MAF: variants seen among roughly 807,000 people sequenced by gnomAD.
MAF encodes the protein MAF bZIP transcription factor, also known as transcription factor Maf.
A neutral mutation model predicts 22.0 loss-of-function variants in MAF; 10 were observed. That is an observed-to-expected ratio of 0.45 (90% CI 0.28 to 0.77). MAF has a LOEUF of 0.77. Ranked by LOEUF, MAF falls within the 30% of genes least tolerant of loss-of-function variation. MAF has a pLI of 0.12. For missense variants in MAF, 544 were observed against 548.4 expected, an observed-to-expected ratio of 0.99 and a Z score of 0.08; for synonymous variants, 337 against 255.8, an observed-to-expected ratio of 1.32 and a Z score of -3.03.
the MAF span, among the ~76,000 whole-genome samples, chr16:79,229,624 G>A: frequency 6.6e-6 from 1 of 152,062 alleles, no homozygotes; most frequent in Non-Finnish European, 1.5e-5. Context: ...GGGGCGTGAG[G>A]ACAAGGCGAA....
chr16:79,537,824 A>C, the MAF span, among the ~76,000 whole-genome samples: 2 of 152,220 alleles, frequency 1.3e-5, no homozygotes, highest in Non-Finnish European at 2.9e-5. Flanking sequence ...TCTGAACCTC[A>C]GAATGACAGT....
At chr16:79,466,514 G>A in the MAF span, among the ~76,000 whole-genome samples, 183 of 152,296 alleles carry the variant, frequency 1.2e-3, no homozygotes, top group Middle Eastern at 3.4e-3. Flanking sequence ...TAGATCCACC[G>A]TCTTATACTC....
chr16:79,502,708 A>AATATAAATATATATATATAAATATAAAT, the MAF span, among the ~76,000 whole-genome samples: 2 of 34,008 alleles, frequency 5.9e-5, no homozygotes, highest in African/African-American at 1.8e-4. Flanking sequence ...TATAAATATA[A>AATATAAATATATATATATAAATATAAAT]ATATATATAT....
the MAF span, among the ~76,000 whole-genome samples, chr16:79,418,867 G>C: frequency 6.6e-6 from 1 of 152,112 alleles, no homozygotes; most frequent in African/African-American, 2.4e-5. Flanking sequence ...CCAACACAGG[G>C]CCCCACACAA....
the MAF span, among the ~76,000 whole-genome samples, chr16:79,469,956 A>G: frequency 0.013 from 2,020 of 152,316 alleles, 51 homozygotes; most frequent in African/African-American, 0.046. Context: ...TTCCCATTTT[A>G]CAGACATAAG....
chr16:79,212,907 A>AAAGAAAG, the MAF span: 1 of 26,024 alleles, frequency 3.8e-5, no homozygotes, highest in Non-Finnish European at 1.4e-4. Flanking sequence ...ATTTTCTGTT[A>AAAGAAAG]AAGAAAGAAA....
At chr16:79,274,525 G>C in the MAF span, among the ~76,000 whole-genome samples, 3 of 152,034 alleles carry the variant, frequency 2.0e-5, no homozygotes, top group African/African-American at 4.8e-5. Context: ...ATGGACTTTC[G>C]GGTCCTCAGT....
chr16:79,397,088 G>C, the MAF span, among the ~76,000 whole-genome samples: 3 of 152,240 alleles, frequency 2.0e-5, no homozygotes, highest in Non-Finnish European at 4.4e-5. Flanking sequence ...AAGTTGCCAG[G>C]ATTAAGTGAG....
chr16:79,500,335 T>C, the MAF span, among the ~76,000 whole-genome samples: 2 of 152,196 alleles, frequency 1.3e-5, no homozygotes, highest in Admixed American at 1.3e-4. Context: ...TGGTGTTATG[T>C]TGTTGCCTAC....
the MAF span, among the ~76,000 whole-genome samples, chr16:79,237,260 C>T: frequency 3.3e-5 from 5 of 152,024 alleles, no homozygotes; most frequent in Admixed American, 1.3e-4. Context: ...CAGGGAGCCA[C>T]GGAAACAACT....
At chr16:79,384,552 T>C in the MAF span, among the ~76,000 whole-genome samples, 3 of 151,380 alleles carry the variant, frequency 2.0e-5, no homozygotes, top group East Asian at 1.9e-4. Flanking sequence ...GGTCAGGAGA[T>C]TGAGACCATC....
the MAF span, among the ~76,000 whole-genome samples, chr16:79,421,307 G>T: frequency 6.6e-6 from 1 of 152,162 alleles, no homozygotes; most frequent in Non-Finnish European, 1.5e-5. Context: ...ATAATGACAC[G>T]TATCCACTAT....
chr16:79,531,791 G>C, the MAF span, among the ~76,000 whole-genome samples: 2,398 of 152,204 alleles, frequency 0.016, 64 homozygotes, highest in African/African-American at 0.055. Context: ...TGTGTGACCT[G>C]GTTCCTAAGA....
chr16:79,239,825 C>G, the MAF span, among the ~76,000 whole-genome samples: 2 of 151,934 alleles, frequency 1.3e-5, no homozygotes, highest in Admixed American at 1.3e-4. Context: ...GATTCAATGC[C>G]CAGCCATGGC....
the MAF span, among the ~76,000 whole-genome samples, chr16:79,471,701 C>T: frequency 3.3e-5 from 5 of 152,104 alleles, no homozygotes; most frequent in Non-Finnish European, 7.4e-5. Context: ...ACAAAAAAAC[C>T]CAAACAAGTA....
chr16:79,258,795 GC>G, the MAF span, among the ~76,000 whole-genome samples: 1 of 152,116 alleles, frequency 6.6e-6, no homozygotes, highest in African/African-American at 2.4e-5. Context: ...CAAGTATAGT[GC>G]TAGTGAAGCC....
chr16:79,299,263 C>G, the MAF span, among the ~76,000 whole-genome samples: 1 of 151,422 alleles, frequency 6.6e-6, no homozygotes, highest in African/African-American at 2.4e-5. Flanking sequence ...CCAGGAACGC[C>G]TAGCTCACAG....
the MAF span, among the ~76,000 whole-genome samples, chr16:79,493,292 G>C: frequency 6.6e-6 from 1 of 152,096 alleles, no homozygotes; most frequent in Admixed American, 6.5e-5. Flanking sequence ...AAGCAATTCT[G>C]GGCCTCAGCC....
the MAF span, among the ~76,000 whole-genome samples, chr16:79,293,958 G>A: frequency 6.6e-6 from 1 of 152,170 alleles, no homozygotes; most frequent in Non-Finnish European, 1.5e-5. Flanking sequence ...GTAGGTTACT[G>A]CCTGGATGGG....
Sources: allele counts gnomAD v4.1 joint callset (sites outside exome capture counted in the v4.1 genomes callset), GRCh38; gene constraint gnomAD v4.1.1; transcripts MANE v1.5; gene names NCBI Gene and HGNC (gene_info 2026-07-23, HGNC 2026-07-21).